The following GRK2 variants were observed in gnomAD, a reference collection of about 807,000 sequenced individuals.
GRK2 encodes the protein adrenergic beta receptor kinase 1.
A neutral mutation model predicts 97.8 loss-of-function variants in GRK2; 23 were observed. That is an observed-to-expected ratio of 0.24 (90% CI 0.17 to 0.33). The LOEUF is 0.33. Ranked by LOEUF, GRK2 falls within the 10% of genes least tolerant of loss-of-function variation. The pLI, the probability that GRK2 is intolerant of heterozygous loss-of-function variation, is 1.00. For missense variants in GRK2, 633 were observed against 956.9 expected (o/e 0.66, Z 4.47); for synonymous variants, 425 against 381.7 (o/e 1.11, Z -1.32).
chr11:67,283,631 A>G, intron 15 of GRK2, 76 bp from the exon 16 acceptor site: 4 of 1,471,444 alleles, frequency 2.7e-6, no homozygotes, highest in Admixed American at 3.4e-5. Context: ...TCACAGAGCC[A>G]GAAAGTGGCT....
At chr11:67,283,261 G>T in intron 15 of GRK2, 33 bp downstream of exon 15, 1 of 1,577,668 alleles carries the variant, frequency 6.3e-7, no homozygotes, top group East Asian at 2.2e-5. Context: ...CATGCTGCTG[G>T]CTGTGCCCCC....
intron 1 of GRK2, among the ~76,000 whole-genome samples, chr11:67,274,759 C>T (rs72930753): frequency 1.3e-5 from 2 of 152,160 alleles, no homozygotes; most frequent in Admixed American, 6.5e-5. Context: ...CCACAATCTC[C>T]GTCCACCGTT....
chr11:67,280,854 G>A (rs914247152), intron 7 of GRK2, 71 bp downstream of exon 7: 6 of 1,572,280 alleles, frequency 3.8e-6, no homozygotes, highest in Non-Finnish European at 5.2e-6. Context: ...TGGGCCTGTG[G>A]CTTGGCTGGG....
At chr11:67,284,731 G>C (rs962262887) in intron 18 of GRK2, 116 bp from the exon 19 acceptor site, 12 of 1,381,668 alleles carry the variant, frequency 8.7e-6, no homozygotes, top group African/African-American at 2.9e-5. Context: ...GGAGGTTGCA[G>C]TGAGCCAAGA....
At position 67,285,462 on chromosome 11, in the gene GRK2, G is replaced by A. The variant is rs755111869; in HGVS notation, c.*12G>A. 107 of 1,525,398 alleles carry A rather than the reference G, an allele frequency of 7.0e-5. No individual in the cohort carries two copies. Among genetic ancestry groups the A allele is most frequent in the Non-Finnish European group, 8.8e-5 (100 of 1,138,932 alleles). The allele number at this position is 1,525,398 out of a possible 1,614,324, so 94.5% of individuals were successfully genotyped here. On this transcript the variant is annotated 3_prime_UTR_variant, in exon 21 of 21. Transcript: ENST00000308595. ...CCAACGGCCTCTGACCCGCCCACCC[G>A]CCTTTTATAAACCTCTAATTTATTT...
rs763457854 is a variant in GRK2 at position 67,285,385 on chromosome 11, C to T, written c.2005C>T (p.Arg669Cys). 4.3e-6 allele frequency: 7 copies of T among 1,609,294 alleles called. No individual in the cohort carries two copies. The highest frequency in any genetic ancestry group is 2.2e-5 in the East Asian group (1 of 44,854). ...GGTGCCCAAGATGAAGAACAAGCCG[C>T]GCTCGCCCGTGGTGGAGCTGAGCAA... ...QRVPKMKNKP[R>C]SPVVELSKVP... Residue 669 changes from arginine (R) to cysteine (C), a missense_variant, in exon 21 of 21, where the codon CGC (arginine) becomes TGC (cysteine). Arg to Cys is a radical substitution (Grantham distance 180). This residue lies in a region of GRK2 where 180 missense variants were observed against 311.3 expected (regional missense o/e 0.58). Transcript: ENST00000308595.
intron 1 of GRK2, among the ~76,000 whole-genome samples, chr11:67,271,740 C>G (rs1859912041): frequency 6.6e-6 from 1 of 152,238 alleles, no homozygotes; most frequent in Admixed American, 6.5e-5. Context: ...GGCTTTTTCT[C>G]TCCCCTGCTC....
rs753333095 is a variant in GRK2, at chr11:67,280,801, G to A, written c.555+18G>A. The A allele has an allele frequency of 2.5e-6, 4 of 1,613,784 alleles. No individual in the cohort carries two copies. Among genetic ancestry groups the A allele is most frequent in the South Asian group, 2.2e-5 (2 of 91,078 alleles). The stretch of plus-strand genomic sequence containing the variant: ...ACATCCACGTGAGTGGGCTTGGGTG[G>A]GGCATGGAAAGCCACGCACCCTGCT... On this transcript the variant is annotated intron_variant, in intron 7 of 20. Coordinates refer to ENST00000308595, the MANE Select transcript of GRK2 (RefSeq NM_001619.5).
In GRK2 at chr11:67,283,437, G is replaced by C. The variant is rs905891328; in HGVS notation, c.1328+209G>C. 2.3e-5 allele frequency: 14 copies of C among 612,756 alleles called. No homozygotes were observed. In the African/African-American group the frequency reaches 2.6e-4, roughly 11 times the overall value. 38.0% of individuals were successfully genotyped at this position (612,756 alleles called of 1,614,324 possible). A position where few individuals can be genotyped will look rare whatever the true frequency, so the allele number is the denominator to read the frequency against. ...GGAACCAGCTAGTAACTGGCTTCCA[G>C]AGGGGCCCTTGTCACAGATGATGAT... On this transcript the variant is annotated intron_variant, in intron 15 of 20. Transcript: ENST00000308595.
rs763393507 is a variant in GRK2, at chr11:67,284,885, A to C, written c.1693A>C (p.Met565Leu). The C allele has an allele frequency of 6.2e-7, 1 of 1,613,448 alleles. No individual in the cohort carries two copies. The highest frequency in any genetic ancestry group is 1.7e-5 in the Admixed American group (1 of 60,018). Residue 565 changes from methionine (M) to leucine (L), a missense_variant, in exon 19 of 21, where the codon ATG (methionine) becomes CTG (leucine). Transcript: ENST00000308595. ...CAAGGACTGCATCATGCATGGCTACATGTCCAAGATGGGCAACCCCTTCCT... is the reference window on the plus strand; with the variant it reads ...CAAGGACTGCATCATGCATGGCTACCTGTCCAAGATGGGCAACCCCTTCCT... Reference protein sequence around the residue: ...LGKDCIMHGYMSKMGNPFLTQ... With the variant: ...LGKDCIMHGYLSKMGNPFLTQ...
chr11:67,284,523 G>A (rs1000807718), intron 18 of GRK2, 150 bp downstream of exon 18: 81 of 949,620 alleles, frequency 8.5e-5, no homozygotes, highest in Non-Finnish European at 1.1e-4. Flanking sequence ...GGTGGCTCAC[G>A]CCTGTAATCC....
At chr11:67,277,424 C>T in intron 2 of GRK2, 76 bp downstream of exon 2, 1 of 1,359,982 alleles carries the variant, frequency 7.4e-7, no homozygotes, top group East Asian at 2.3e-5. Flanking sequence ...GCTGTGCTCC[C>T]CACTCTCCAG....
chr11:67,283,858 C>G lies in GRK2; in HGVS notation c.1400C>G (p.Pro467Arg). ...DWQMVFLQKY[P>R]PPLIPPRGEV... ...ATGACCCCTGTTCTGCTGCAGTACCCTCCCCCGCTGATCCCCCCACGAGGG... is the reference window on the plus strand; with the variant it reads ...ATGACCCCTGTTCTGCTGCAGTACCGTCCCCCGCTGATCCCCCCACGAGGG... Residue 467 changes from proline (P) to arginine (R), a missense_variant, in exon 17 of 21, where the codon CCT becomes CGT. Pro to Arg is a moderately radical substitution (Grantham distance 103). Coordinates refer to ENST00000308595, the MANE Select transcript of GRK2 (RefSeq NM_001619.5). 1 of 1,613,012 alleles carries G rather than the reference C, an allele frequency of 6.2e-7. No homozygotes were observed. The highest frequency in any genetic ancestry group is 8.5e-7 in the Non-Finnish European group (1 of 1,179,754).
In GRK2 at chr11:67,280,800, G is replaced by C; in HGVS notation, c.555+17G>C. Reference sequence around the variant, plus strand: ...AACATCCACGTGAGTGGGCTTGGGTGGGGCATGGAAAGCCACGCACCCTGC... The same window carrying C: ...AACATCCACGTGAGTGGGCTTGGGTCGGGCATGGAAAGCCACGCACCCTGC... On this transcript the variant is annotated intron_variant, in intron 7 of 20. Transcript: ENST00000308595. 5.6e-6 allele frequency: 9 copies of C among 1,613,772 alleles called. No homozygotes were observed. The highest frequency in any genetic ancestry group is 5.3e-5 in the African/African-American group (4 of 75,068).
rs1565069569 is a variant in GRK2, at chr11:67,285,063, C to T, written c.1792-12C>T. The T allele has an allele frequency of 3.7e-6, 6 of 1,613,016 alleles. 1 individual carries two copies. In the South Asian group the frequency reaches 6.6e-5, roughly 18 times the overall value. On this transcript the variant is annotated splice_polypyrimidine_tract_variant and intron_variant, in intron 19 of 20. Coordinates refer to ENST00000308595, the MANE Select transcript of GRK2 (RefSeq NM_001619.5). ...CGGCTCTTACCTGCACCACCCATCC[C>T]TGGCCCTGCAGCAGAGCCTGCTGAC...
Position 67,282,443 on chromosome 11 carries a change from A to G in GRK2, c.1061A>G (p.His354Arg). The G allele has an allele frequency of 6.7e-7, 1 of 1,495,094 alleles. No individual in the cohort carries two copies. Among genetic ancestry groups the G allele is most frequent in the Non-Finnish European group, 9.0e-7 (1 of 1,108,392 alleles). 92.6% of individuals were successfully genotyped at this position (1,495,094 alleles called of 1,614,324 possible). ...CCCCCTTGCTCCCACAGGGGCACCC[A>G]CGGGTACATGGCTCCGGAGGTCCTG... ...KKKPHASVGT[H>R]GYMAPEVLQK... The change falls in exon 13 of 21, where the codon CAC becomes CGC. Residue 354 changes from histidine to arginine, a missense_variant. By Grantham distance (29) the His-to-Arg change is conservative (BLOSUM62 0). This residue lies in a region of GRK2 where 192 missense variants were observed against 362.3 expected (regional missense o/e 0.53). Coordinates refer to ENST00000308595, the MANE Select transcript of GRK2 (RefSeq NM_001619.5). This position sits in a 1 kb window ranked among gnomAD's most constrained non-coding sequence, Gnocchi z 6.9.
At position 67,285,623 on chromosome 11, in the gene GRK2, C is replaced by A; in HGVS notation, c.*173C>A. 1 of 788,088 alleles carries A rather than the reference C, an allele frequency of 1.3e-6. No individual in the cohort carries two copies. Among genetic ancestry groups the A allele is most frequent in the East Asian group, 2.9e-5 (1 of 34,152 alleles). The allele number at this position is 788,088 out of a possible 1,614,324, so 48.8% of individuals were successfully genotyped here. On this transcript the variant is annotated 3_prime_UTR_variant, in exon 21 of 21. Transcript: ENST00000308595. ...TTGCCTCGGCTCCTGCTGCACCAACCCAGCCGCTGCCCGGCGCCCTCTGTC... is the reference window on the plus strand; with the variant it reads ...TTGCCTCGGCTCCTGCTGCACCAACACAGCCGCTGCCCGGCGCCCTCTGTC...
Position 67,281,838 on chromosome 11 carries a change from C to T in GRK2, c.843C>T (p.Tyr281=). ...LDLMNGGDLH[Y]HLSQHGVFSE... ...CTCCCTCAGGTGGGGACCTGCACTACCACCTCTCCCAGCACGGGGTCTTCT... is the reference window on the plus strand; with the variant it reads ...CTCCCTCAGGTGGGGACCTGCACTATCACCTCTCCCAGCACGGGGTCTTCT... Residue 281 remains tyrosine, a synonymous_variant, in exon 11 of 21, where the codon TAC becomes TAT. Transcript: ENST00000308595. This position sits in a 1 kb window ranked among gnomAD's most constrained non-coding sequence, Gnocchi z 5.7. 1 of 1,613,734 alleles carries T rather than the reference C, an allele frequency of 6.2e-7. No homozygotes were observed. Among genetic ancestry groups the T allele is most frequent in the African/African-American group, 1.3e-5 (1 of 75,034 alleles).
rs1051180 is a variant in GRK2, at chr11:67,283,165, G to A, written c.1265G>A (p.Arg422His). 4 of 1,613,962 alleles carry A rather than the reference G, an allele frequency of 2.5e-6. No homozygotes were observed. The highest frequency in any genetic ancestry group is 1.3e-5 in the African/African-American group (1 of 75,032). ...ELPDSFSPEL[R>H]SLLEGLLQRD... ...CCCGACTCCTTCTCCCCTGAACTAC[G>A]CTCCCTGCTGGAGGGGTTGCTGCAG... Residue 422 changes from arginine (R) to histidine (H), a missense_variant, in exon 15 of 21, where the codon CGC (arginine) becomes CAC (histidine). This residue lies in a region of GRK2 where 68 missense variants were observed against 71.0 expected (regional missense o/e 0.96). Transcript: ENST00000308595.
Sources: allele counts gnomAD v4.1 joint callset (sites outside exome capture counted in the v4.1 genomes callset), GRCh38; gene constraint gnomAD v4.1.1; regional missense constraint gnomAD v4.1.1; non-coding constraint Gnocchi (gnomAD v3.1); transcripts MANE v1.5; gene names NCBI Gene and HGNC (gene_info 2026-07-23, HGNC 2026-07-21).